Variants in SV2B observed in about 807,000 individuals in gnomAD.
The protein encoded by SV2B is solute carrier family 22 member B2.
A neutral mutation model predicts 73.9 loss-of-function variants in SV2B; 41 were observed. The ratio of observed to expected loss-of-function variants is 0.56; its 90% confidence interval spans 0.43 to 0.72. The LOEUF (loss-of-function observed/expected upper bound fraction) is 0.72. Among genes scored for constraint, SV2B ranks in the 30% least tolerant of loss-of-function variants. The pLI, the probability that SV2B is intolerant of heterozygous loss-of-function variation, is 0.00. For missense variants in SV2B, 764 were observed against 857.8 expected, an observed-to-expected ratio of 0.89 and a Z score of 1.37; for synonymous variants, 314 against 314.2, an observed-to-expected ratio of 1.00 and a Z score of 0.01.
intron 6 of SV2B, 48 bp from the exon 7 acceptor site, chr15:91,266,534 G>T: frequency 7.0e-7 from 1 of 1,435,752 alleles, no homozygotes; most frequent in South Asian, 1.2e-5. Context: ...TGAAAACTCT[G>T]ACACAAAGTG....
At chr15:91,177,634 AT>A (rs1379159925) in intron 1 of SV2B, among the ~76,000 whole-genome samples, 3 of 130,836 alleles carry the variant, frequency 2.3e-5, no homozygotes, top group Non-Finnish European at 3.2e-5. Context: ...ATTCCTAAGT[AT>A]TTTATTCTCT....
chr15:91,237,289 C>T (rs753105406), intron 2 of SV2B, among the ~76,000 whole-genome samples: 2 of 152,112 alleles, frequency 1.3e-5, no homozygotes, highest in Non-Finnish European at 2.9e-5. Context: ...TCTGAGGGGC[C>T]GTCCTTTCCA....
rs146667773 is a variant in SV2B at position 91,253,016 on chromosome 15, C to T, written c.784+496C>T. ...GGCTTGTACTCTTTCTGCCCTGGTG[C>T]CTGCTGTCACTCTTGTTTGGCCGTG... On this transcript the variant is annotated intron_variant, in intron 4 of 12. Coordinates refer to ENST00000394232, the MANE Select transcript of SV2B (RefSeq NM_001323032.3). The surrounding 1 kb of genome is among the most constrained non-coding windows in gnomAD (Gnocchi z 5.0). Among the ~76,000 whole-genome samples, 471 of 152,282 alleles carry T rather than the reference C, an allele frequency of 3.1e-3. 1 individual carries two copies. The highest frequency in any genetic ancestry group is 0.017 in the Middle Eastern group (5 of 294).
Position 91,281,560 on chromosome 15 carries a change from A to G in SV2B, c.1374-168A>G, listed in dbSNP as rs1596780256. On this transcript the variant is annotated intron_variant, in intron 9 of 12. Transcript: ENST00000394232. This position sits in a 1 kb window ranked among gnomAD's most constrained non-coding sequence, Gnocchi z 4.7. ...CTTCCAGGTCCTGAAGCCCTTCCCC[A>G]CTAATAAACAAACAGCTAAGAAGTG... Among the ~76,000 whole-genome samples the G allele has an allele frequency of 6.6e-6, 1 of 152,114 alleles. No individual in the cohort carries two copies. Among genetic ancestry groups the G allele is most frequent in the Non-Finnish European group, 1.5e-5 (1 of 68,024 alleles).
Position 91,129,406 on chromosome 15 carries a change from C to T in SV2B, c.-392+29043C>T, listed in dbSNP as rs1489506465. ...GATGAAGGGGGAGAAATCAATTGTC[C>T]GGAGATGGAACTGGGGGAGGAAGGA... On this transcript the variant is annotated intron_variant, in intron 1 of 12. Coordinates refer to ENST00000394232, the MANE Select transcript of SV2B (RefSeq NM_001323032.3). This position sits in a 1 kb window ranked among gnomAD's most constrained non-coding sequence, Gnocchi z 5.1. 1.3e-5 allele frequency among the ~76,000 whole-genome samples: 2 copies of T among 152,046 alleles called. No individual in the cohort carries two copies. Among genetic ancestry groups the T allele is most frequent in the Admixed American group, 6.5e-5 (1 of 15,278 alleles).
In SV2B at chr15:91,240,134, T is replaced by C. The variant is rs2046950267; in HGVS notation, c.452-11685T>C. 6.6e-6 allele frequency among the ~76,000 whole-genome samples: 1 copy of C among 152,206 alleles called. No homozygotes were observed. The stretch of plus-strand genomic sequence containing the variant: ...AGAGGGAAAAGGGCTGTTGGGAACA[T>C]GACCAACAGAGTCTATTGCAGGCAC... On this transcript the variant is annotated intron_variant, in intron 2 of 12. Coordinates refer to ENST00000394232, the MANE Select transcript of SV2B (RefSeq NM_001323032.3). The surrounding 1 kb of genome is among the most constrained non-coding windows in gnomAD (Gnocchi z 4.6).
rs189342346 is a variant in SV2B at position 91,292,577 on chromosome 15, C to T, written c.*25C>T. 2.1e-5 allele frequency: 34 copies of T among 1,601,034 alleles called. No individual in the cohort carries two copies. In the African/African-American group the frequency reaches 4.2e-4, roughly 20 times the overall value. Reference sequence around the variant, plus strand: ...AACAACCTATGGGAAAAGGAAAGGTCGAGAGAATCTTGTCCAGGACACTGA... The same window carrying T: ...AACAACCTATGGGAAAAGGAAAGGTTGAGAGAATCTTGTCCAGGACACTGA... On this transcript the variant is annotated 3_prime_UTR_variant, in exon 13 of 13. Transcript: ENST00000394232.
chr15:91,222,403 A>G (rs1341925713), intron 1 of SV2B, among the ~76,000 whole-genome samples: 1 of 152,210 alleles, frequency 6.6e-6, no homozygotes, highest in African/African-American at 2.4e-5. Context: ...AATAATCAAG[A>G]TTGTAATTTT....
intron 1 of SV2B, among the ~76,000 whole-genome samples, chr15:91,176,796 T>G (rs1452972885): frequency 6.6e-6 from 1 of 151,654 alleles, no homozygotes; most frequent in Non-Finnish European, 1.5e-5. Flanking sequence ...TATTAGCCCT[T>G]TGTCGGATGA....
chr15:91,124,505 G>C lies in SV2B; in HGVS notation c.-392+24142G>C, dbSNP rs1290433619. On this transcript the variant is annotated intron_variant, in intron 1 of 12. Coordinates refer to ENST00000394232, the MANE Select transcript of SV2B (RefSeq NM_001323032.3). The surrounding 1 kb of genome is among the most constrained non-coding windows in gnomAD (Gnocchi z 4.6). The stretch of plus-strand genomic sequence containing the variant: ...GAATTTCAGGCCTGCAGAGGGATGG[G>C]GGACTTCCTTTAAGTCATCCTAAAA... 6.6e-6 allele frequency among the ~76,000 whole-genome samples: 1 copy of C among 152,108 alleles called. No individual in the cohort carries two copies. The highest frequency in any genetic ancestry group is 2.4e-5 in the African/African-American group (1 of 41,416).
intron 1 of SV2B, among the ~76,000 whole-genome samples, chr15:91,188,239 C>T (rs1285977345): frequency 2.0e-5 from 3 of 151,984 alleles, no homozygotes; most frequent in Admixed American, 1.3e-4. Context: ...TGTGCTTACC[C>T]TCTCCAGTCC....
chr15:91,148,264 C>T (rs1168972724), intron 1 of SV2B, among the ~76,000 whole-genome samples: 2 of 152,112 alleles, frequency 1.3e-5, no homozygotes, highest in African/African-American at 2.4e-5. Context: ...CAGACATAAG[C>T]CACTGTGCCT....
intron 2 of SV2B, among the ~76,000 whole-genome samples, chr15:91,230,164 C>A (rs2046521167): frequency 6.6e-6 from 1 of 151,568 alleles, no homozygotes; most frequent in Admixed American, 6.6e-5. Flanking sequence ...TTGCTTGGGC[C>A]CAGGAGACGG....
Position 91,290,579 on chromosome 15 carries a change from A to G in SV2B, c.1868+899A>G, listed in dbSNP as rs536971003. Among the ~76,000 whole-genome samples the G allele has an allele frequency of 6.6e-6, 1 of 152,350 alleles. No individual in the cohort carries two copies. The highest frequency in any genetic ancestry group is 2.4e-5 in the African/African-American group (1 of 41,580). On this transcript the variant is annotated intron_variant, in intron 12 of 12. Coordinates refer to ENST00000394232, the MANE Select transcript of SV2B (RefSeq NM_001323032.3). The surrounding 1 kb of genome is among the most constrained non-coding windows in gnomAD (Gnocchi z 4.7). ...GGTCAGTAATAAAACGAAATTATGT[A>G]TAGGTTTTAAAATATATCGAAAAAG...
In SV2B at chr15:91,252,404, T is replaced by C; in HGVS notation, c.668T>C (p.Phe223Ser). 1.9e-6 allele frequency: 3 copies of C among 1,613,582 alleles called. No individual in the cohort carries two copies. Among genetic ancestry groups the C allele is most frequent in the Non-Finnish European group, 2.5e-6 (3 of 1,179,786 alleles). ...GCTCTACCGATTGTTTTTGCCTATT[T>C]TTCTGAATTCTTGTCTCGGGAGAAG... ...GGALPIVFAYFSEFLSREKRG... is the reference protein window; with the variant it reads ...GGALPIVFAYSSEFLSREKRG... The change falls in exon 4 of 13, where the codon TTT (phenylalanine) becomes TCT (serine). Residue 223 changes from phenylalanine to serine, a missense_variant. Coordinates refer to ENST00000394232, the MANE Select transcript of SV2B (RefSeq NM_001323032.3). This position sits in a 1 kb window ranked among gnomAD's most constrained non-coding sequence, Gnocchi z 4.6.
intron 1 of SV2B, among the ~76,000 whole-genome samples, chr15:91,126,466 G>C (rs2051719): frequency 0.15 from 22,252 of 152,186 alleles, 1,988 homozygotes; most frequent in East Asian, 0.46. Flanking sequence ...GTGGCTGCAG[G>C]GTTGATGAGC....
intron 1 of SV2B, among the ~76,000 whole-genome samples, chr15:91,108,980 A>G (rs1245555210): frequency 5.9e-5 from 9 of 152,150 alleles, no homozygotes; most frequent in Admixed American, 6.5e-5. Context: ...TTGATTCTGT[A>G]TGGGTTGGCA....
Position 91,258,661 on chromosome 15 carries a change from G to A in SV2B, c.918+107G>A, listed in dbSNP as rs1384918920. The A allele has an allele frequency of 7.3e-6, 11 of 1,511,638 alleles. No individual in the cohort carries two copies. The Admixed American group carries it at 2.2e-4, about 30-fold the overall frequency. The allele number at this position is 1,511,638 out of a possible 1,614,324, so 93.6% of individuals were successfully genotyped here. ...GTCCCACATCCTCTGCTGCTTATGTGTTGCAAACTCTCCCCTGGTCGGCTG... is the reference window on the plus strand; with the variant it reads ...GTCCCACATCCTCTGCTGCTTATGTATTGCAAACTCTCCCCTGGTCGGCTG... On this transcript the variant is annotated intron_variant, in intron 5 of 12. Transcript: ENST00000394232. The surrounding 1 kb of genome is among the most constrained non-coding windows in gnomAD (Gnocchi z 4.7).
intron 1 of SV2B, among the ~76,000 whole-genome samples, chr15:91,195,123 TA>T (rs1186258270): frequency 6.6e-6 from 1 of 152,130 alleles, no homozygotes; most frequent in Non-Finnish European, 1.5e-5. Context: ...GCTGATTCAG[TA>T]ACTACTAGCC....
Sources: allele counts gnomAD v4.1 joint callset (sites outside exome capture counted in the v4.1 genomes callset), GRCh38; gene constraint gnomAD v4.1.1; non-coding constraint Gnocchi (gnomAD v3.1); transcripts MANE v1.5; gene names NCBI Gene and HGNC (gene_info 2026-07-23, HGNC 2026-07-21).